The following SH3BGRL variants were observed in gnomAD, a reference collection of about 807,000 sequenced individuals.
SH3BGRL encodes SH3 domain binding glutamate rich protein like.
In SH3BGRL, 7 loss-of-function variants were observed where a neutral mutation model predicts 9.8. The observed-to-expected ratio is 0.72, with a 90% CI of 0.41 to 1.35. SH3BGRL has a LOEUF of 1.35. SH3BGRL is among the 40% of genes most tolerant of loss of function. SH3BGRL has a pLI of 0.01. For synonymous variants in SH3BGRL, 36 were observed against 29.1 expected (o/e 1.24, Z -0.76); for missense variants, 73 against 84.4 (o/e 0.86, Z 0.53).
intron 1 of SH3BGRL, among the ~76,000 whole-genome samples, chrX:81,260,492 A>G (rs1220439320): frequency 1.8e-5 from 2 of 111,515 alleles, no homozygotes; most frequent in African/African-American, 6.5e-5. Flanking sequence ...ACTTTACAAT[A>G]CAATTATATC....
Position 81,280,649 on chromosome X carries a change from G to T in SH3BGRL, c.312+2238G>T, listed in dbSNP as rs1257749966. 1.8e-5 allele frequency among the ~76,000 whole-genome samples: 2 copies of T among 111,842 alleles called. 1 individual carries two copies. The highest frequency in any genetic ancestry group is 3.8e-5 in the Non-Finnish European group (2 of 53,172). The stretch of plus-strand genomic sequence containing the variant: ...GTACTACATCAAGGGAGCACCCCAT[G>T]GGACAAAATAATCTGAACAACAGCC... On this transcript the variant is annotated intron_variant, in intron 3 of 3. Coordinates refer to ENST00000373212, the MANE Select transcript of SH3BGRL (RefSeq NM_003022.3).
At chrX:81,208,119 G>A (rs762871074) in intron 1 of SH3BGRL, among the ~76,000 whole-genome samples, 5 of 110,620 alleles carry the variant, frequency 4.5e-5, no homozygotes, top group South Asian at 3.9e-4. Context: ...AAAAATAGCC[G>A]GGCGTGGTGG....
intron 1 of SH3BGRL, among the ~76,000 whole-genome samples, chrX:81,222,354 G>A (rs1463920432): frequency 1.2e-5 from 1 of 84,694 alleles, no homozygotes; most frequent in Non-Finnish European, 2.2e-5. Flanking sequence ...CCCGGTGTGT[G>A]ATGTTCCCCT....
chrX:81,257,796 G>A (rs1427762820), intron 1 of SH3BGRL, among the ~76,000 whole-genome samples: 1 of 110,820 alleles, frequency 9.0e-6, no homozygotes, highest in African/African-American at 3.3e-5. Flanking sequence ...CAGGAGGTGG[G>A]GAACATGGTG....
intron 1 of SH3BGRL, among the ~76,000 whole-genome samples, chrX:81,244,698 T>G (rs888868873): frequency 6.3e-5 from 7 of 111,552 alleles, no homozygotes; most frequent in Non-Finnish European, 1.3e-4. Context: ...GTGCAGAATG[T>G]GCAGGATTTG....
intron 1 of SH3BGRL, among the ~76,000 whole-genome samples, chrX:81,245,970 G>A (rs1312186282): frequency 1.8e-5 from 2 of 111,741 alleles, no homozygotes; most frequent in Admixed American, 9.5e-5. Context: ...TTTCTCCACA[G>A]CCTCGCCAGC....
chrX:81,261,510 G>A (rs1376059546), intron 1 of SH3BGRL, among the ~76,000 whole-genome samples: 1 of 111,088 alleles, frequency 9.0e-6, no homozygotes, highest in Non-Finnish European at 1.9e-5. Flanking sequence ...GTGTCTCTCT[G>A]TGATGGAGGA....
At chrX:81,212,498 G>GA (rs2075568277) in intron 1 of SH3BGRL, among the ~76,000 whole-genome samples, 2 of 111,196 alleles carry the variant, frequency 1.8e-5, no homozygotes, top group South Asian at 7.5e-4. Flanking sequence ...AAAATATTGT[G>GA]AAAAAAATGT....
At chrX:81,296,513 G>A (rs2075875171) in intron 3 of SH3BGRL, among the ~76,000 whole-genome samples, 1 of 111,247 alleles carries the variant, frequency 9.0e-6, no homozygotes, top group African/African-American at 3.3e-5. Context: ...GACAGTATCA[G>A]TCCTCCTGAG....
chrX:81,249,745 A>G (rs990165214), intron 1 of SH3BGRL, among the ~76,000 whole-genome samples: 1 of 112,202 alleles, frequency 8.9e-6, no homozygotes, highest in Non-Finnish European at 1.9e-5. Context: ...TGAAAAAGCT[A>G]AACTCTTATT....
intron 1 of SH3BGRL, among the ~76,000 whole-genome samples, chrX:81,238,216 T>C (rs902101957): frequency 9.1e-6 from 1 of 110,411 alleles, no homozygotes; most frequent in African/African-American, 3.3e-5. Flanking sequence ...AGGACTTGAC[T>C]CTTGGATGGT....
intron 1 of SH3BGRL, among the ~76,000 whole-genome samples, chrX:81,227,122 G>A (rs2075619576): frequency 8.9e-6 from 1 of 112,002 alleles, no homozygotes; most frequent in African/African-American, 3.2e-5. Context: ...TTGTGAAGTT[G>A]TATCTGAAAT....
At chrX:81,212,220 C>A (rs2075566941) in intron 1 of SH3BGRL, among the ~76,000 whole-genome samples, 2 of 108,494 alleles carry the variant, frequency 1.8e-5, no homozygotes, top group South Asian at 4.0e-4. Flanking sequence ...CAAAGTGAGA[C>A]CCTGTCTCTA....
chrX:81,207,962 G>T (rs952841624), intron 1 of SH3BGRL, among the ~76,000 whole-genome samples: 3 of 111,611 alleles, frequency 2.7e-5, no homozygotes, highest in African/African-American at 9.8e-5. Context: ...TTTAGTAAAA[G>T]ATTAATTATC....
At chrX:81,276,084 A>G (rs2075797675) in intron 1 of SH3BGRL, among the ~76,000 whole-genome samples, 1 of 111,178 alleles carries the variant, frequency 9.0e-6, no homozygotes. Flanking sequence ...TTACGGTCCT[A>G]TAACTCAGAA....
chrX:81,212,612 A>C (rs2075568691), intron 1 of SH3BGRL, among the ~76,000 whole-genome samples: 1 of 112,101 alleles, frequency 8.9e-6, no homozygotes, highest in Non-Finnish European at 1.9e-5. Flanking sequence ...GTTTATATCC[A>C]ATTAGAAATT....
chrX:81,274,466 C>T (rs946570806), intron 1 of SH3BGRL, among the ~76,000 whole-genome samples: 2 of 110,309 alleles, frequency 1.8e-5, no homozygotes, highest in African/African-American at 6.6e-5. Context: ...CAAAAATTAG[C>T]CGGGTTTGGT....
intron 3 of SH3BGRL, among the ~76,000 whole-genome samples, chrX:81,287,252 GAGA>G (rs2075838048): frequency 8.9e-6 from 1 of 111,767 alleles, no homozygotes; most frequent in African/African-American, 3.2e-5. Context: ...GAAAAAAGTG[GAGA>G]AGATTTAAAT....
At chrX:81,258,841 G>T (rs143235014) in intron 1 of SH3BGRL, among the ~76,000 whole-genome samples, 3 of 112,362 alleles carry the variant, frequency 2.7e-5, no homozygotes, top group South Asian at 7.4e-4. Context: ...GTATTTCCTT[G>T]TGTACAGGGA....
Sources: allele counts gnomAD v4.1 joint callset (sites outside exome capture counted in the v4.1 genomes callset), GRCh38; gene constraint gnomAD v4.1.1; transcripts MANE v1.5; gene names NCBI Gene and HGNC (gene_info 2026-07-23, HGNC 2026-07-21).